The following CTNND2 variants were observed in gnomAD, a reference collection of about 807,000 sequenced individuals.
CTNND2 encodes the protein catenin delta 2.
CTNND2 carries 22 observed loss-of-function variants against 144.4 expected under a neutral mutation model. That is an observed-to-expected ratio of 0.15 (90% confidence interval 0.11 to 0.22). The LOEUF is 0.22. Ranked by LOEUF, CTNND2 falls within the 10% of genes least tolerant of loss-of-function variation. CTNND2 has a pLI of 1.00. For missense variants in CTNND2, 1,353 were observed against 1,618.8 expected (o/e 0.84, Z 2.82); for synonymous variants, 751 against 695.6 (o/e 1.08, Z -1.25).
chr5:11,710,006 T>C (rs1279353988), intron 2 of CTNND2, among the ~76,000 whole-genome samples: 1 of 152,164 alleles, frequency 6.6e-6, no homozygotes, highest in Non-Finnish European at 1.5e-5. Context: ...ATATATGGAA[T>C]ATAAAAATAT....
At chr5:11,111,525 T>C (rs1324424974) in intron 13 of CTNND2, among the ~76,000 whole-genome samples, 1 of 152,006 alleles carries the variant, frequency 6.6e-6, no homozygotes, top group East Asian at 1.9e-4. Flanking sequence ...ACCAGGGTTG[T>C]CCCAGGAAAG....
Position 11,263,516 on chromosome 5 carries a change from TGTGA to T in CTNND2, c.1629-26697_1629-26694del, listed in dbSNP as rs550122046. ...ATGTGTGTGTGCATGTATGTGTGTG[TGTGA>T]GTGTGTGTGTGTGAGGTGGAGAAAG... On this transcript the variant is annotated intron_variant, in intron 9 of 21. Transcript: ENST00000304623. 2.5e-3 allele frequency among the ~76,000 whole-genome samples: 385 copies of T among 152,200 alleles called. 1 individual carries two copies. Among genetic ancestry groups the T allele is most frequent in the African/African-American group, 8.7e-3 (363 of 41,514 alleles).
At chr5:11,185,617 G>A (rs186732712) in intron 11 of CTNND2, among the ~76,000 whole-genome samples, 16 of 152,302 alleles carry the variant, frequency 1.1e-4, no homozygotes, top group African/African-American at 3.1e-4. Context: ...ATGGAAGAGC[G>A]AGTTGCTAAG....
intron 16 of CTNND2, among the ~76,000 whole-genome samples, chr5:11,032,316 T>C (rs1474677586): frequency 6.6e-6 from 1 of 152,244 alleles, no homozygotes; most frequent in Non-Finnish European, 1.5e-5. Context: ...AAAGGTTGTT[T>C]GATGTTTACA....
At chr5:11,472,521 T>G (rs1274144562) in intron 3 of CTNND2, among the ~76,000 whole-genome samples, 1 of 152,184 alleles carries the variant, frequency 6.6e-6, no homozygotes, top group African/African-American at 2.4e-5. Context: ...TGAGTGTATT[T>G]GGGGAGAACT....
intron 3 of CTNND2, among the ~76,000 whole-genome samples, chr5:11,522,734 G>C (rs1401892959): frequency 6.6e-6 from 1 of 152,112 alleles, no homozygotes; most frequent in Non-Finnish European, 1.5e-5. Flanking sequence ...ACCATAGCAG[G>C]TATCAGACTG....
intron 12 of CTNND2, among the ~76,000 whole-genome samples, chr5:11,143,747 C>T (rs1219997210): frequency 1.3e-5 from 2 of 152,226 alleles, no homozygotes; most frequent in African/African-American, 4.8e-5. Flanking sequence ...GAGAGTGAAT[C>T]ATTTGACTGG....
At chr5:11,008,549 G>A (rs1211835298) in intron 18 of CTNND2, among the ~76,000 whole-genome samples, 2 of 152,132 alleles carry the variant, frequency 1.3e-5, no homozygotes, top group Non-Finnish European at 2.9e-5. Context: ...TGATGATAAG[G>A]TAGTATGCCA....
intron 5 of CTNND2, among the ~76,000 whole-genome samples, chr5:11,401,061 C>T (rs576947381): frequency 2.0e-5 from 3 of 152,194 alleles, no homozygotes; most frequent in Non-Finnish European, 2.9e-5. Flanking sequence ...TTACAGATTC[C>T]AGGTGCTGGC....
intron 2 of CTNND2, among the ~76,000 whole-genome samples, chr5:11,658,884 T>C (rs1317796377): frequency 6.6e-6 from 1 of 152,210 alleles, no homozygotes; most frequent in Admixed American, 6.6e-5. Context: ...CGTTTTTATT[T>C]AGTTTACAAA....
At chr5:11,450,575 G>A (rs1259859839) in intron 3 of CTNND2, among the ~76,000 whole-genome samples, 1 of 152,096 alleles carries the variant, frequency 6.6e-6, no homozygotes, top group Non-Finnish European at 1.5e-5. Context: ...CAAAACAGGG[G>A]TTTCTGGAAA....
chr5:11,354,677 T>C (rs532386286), intron 8 of CTNND2, among the ~76,000 whole-genome samples: 1 of 152,132 alleles, frequency 6.6e-6, no homozygotes, highest in Non-Finnish European at 1.5e-5. Context: ...AACCCCCCTT[T>C]AAGTGTGGAC....
intron 10 of CTNND2, among the ~76,000 whole-genome samples, chr5:11,233,865 G>C (rs897388647): frequency 6.6e-6 from 1 of 152,020 alleles, no homozygotes. Context: ...TGTTCCTTTG[G>C]CTAACACTTA....
At chr5:11,312,108 C>G (rs993657323) in intron 9 of CTNND2, among the ~76,000 whole-genome samples, 4 of 149,806 alleles carry the variant, frequency 2.7e-5, no homozygotes, top group Admixed American at 6.6e-5. Flanking sequence ...ACACCCCACA[C>G]GCACACACAC....
chr5:11,200,155 G>C (rs1215068601), intron 10 of CTNND2, among the ~76,000 whole-genome samples: 1 of 152,168 alleles, frequency 6.6e-6, no homozygotes, highest in Non-Finnish European at 1.5e-5. Context: ...ATTGACACAA[G>C]GAGTTTTATC....
At chr5:11,763,981 G>T (rs1182740489) in intron 1 of CTNND2, among the ~76,000 whole-genome samples, 1 of 152,056 alleles carries the variant, frequency 6.6e-6, no homozygotes, top group Non-Finnish European at 1.5e-5. Flanking sequence ...AAATGGCAAT[G>T]AAAATTAGGG....
chr5:11,680,097 A>G (rs558851512), intron 2 of CTNND2, among the ~76,000 whole-genome samples: 31 of 152,270 alleles, frequency 2.0e-4, no homozygotes, highest in African/African-American at 6.5e-4. Context: ...AGTGAGGGAG[A>G]ACGTTCCAGA....
At chr5:11,215,490 C>G (rs915380163) in intron 10 of CTNND2, among the ~76,000 whole-genome samples, 1 of 152,006 alleles carries the variant, frequency 6.6e-6, no homozygotes. Context: ...TTCTTTAATG[C>G]AAAAATATGT....
At chr5:11,872,893 A>T (rs774416392) in intron 1 of CTNND2, among the ~76,000 whole-genome samples, 1 of 152,172 alleles carries the variant, frequency 6.6e-6, no homozygotes, top group Non-Finnish European at 1.5e-5. Context: ...AACCATAAAA[A>T]CCCTAGAAGA....
Sources: gnomAD v4.1 joint callset for allele counts (sites outside exome capture counted in the v4.1 genomes callset) on GRCh38, gnomAD v4.1.1 for gene constraint, MANE v1.5 for transcripts, NCBI Gene and HGNC (gene_info 2026-07-23, HGNC 2026-07-21) for gene names.